The following KLRG1 variants were observed in gnomAD, a reference collection of about 807,000 sequenced individuals.
KLRG1 encodes killer cell lectin-like receptor subfamily G member 1.
Under a neutral mutation model 21.8 loss-of-function variants are expected in KLRG1, and 16 were observed. The observed-to-expected ratio is 0.73, with a 90% CI of 0.50 to 1.11. The LOEUF is 1.11. Ranked by LOEUF, KLRG1 falls within the 50% of genes most tolerant of loss-of-function variation. The pLI, the probability that KLRG1 is intolerant of heterozygous loss-of-function variation, is 0.00. For missense variants in KLRG1, 173 were observed against 218.3 expected, an observed-to-expected ratio of 0.79 and a Z score of 1.31; for synonymous variants, 69 against 75.9, an observed-to-expected ratio of 0.91 and a Z score of 0.47.
At chr12:9,200,365 C>T in the KLRG1 span, 4 of 1,593,430 alleles carry the variant, frequency 2.5e-6, no homozygotes, top group East Asian at 6.7e-5. Flanking sequence ...GTAACTCACT[C>T]TCCACAGACT....
At chr12:9,071,330 A>T in the KLRG1 span, among the ~76,000 whole-genome samples, 1 of 152,220 alleles carries the variant, frequency 6.6e-6, no homozygotes, top group Non-Finnish European at 1.5e-5. Context: ...TCAACAAAAC[A>T]CTTAGAAACA....
the KLRG1 span, among the ~76,000 whole-genome samples, chr12:9,178,434 C>A: frequency 6.6e-6 from 1 of 152,138 alleles, no homozygotes; most frequent in Admixed American, 6.5e-5. Flanking sequence ...GGCCCCAATG[C>A]ACCAGAGTAT....
chr12:9,135,320 A>G, the KLRG1 span: 1 of 298,718 alleles, frequency 3.3e-6, no homozygotes, highest in Non-Finnish European at 6.8e-6. Context: ...AGCACAGTGG[A>G]TTGGACCGAG....
the KLRG1 span, among the ~76,000 whole-genome samples, chr12:9,148,113 T>C: frequency 1.4e-4 from 21 of 152,212 alleles, no homozygotes; most frequent in Non-Finnish European, 2.8e-4. Flanking sequence ...TAGAAATTAT[T>C]TTAAGCAGAA....
chr12:9,186,051 C>A, the KLRG1 span, among the ~76,000 whole-genome samples: 1 of 151,990 alleles, frequency 6.6e-6, no homozygotes, highest in African/African-American at 2.4e-5. Context: ...CATGATCTGA[C>A]CACCTTGACC....
the KLRG1 span, among the ~76,000 whole-genome samples, chr12:9,040,144 T>C: frequency 6.6e-6 from 1 of 152,322 alleles, no homozygotes; most frequent in East Asian, 1.9e-4. Flanking sequence ...AGGATAGTGG[T>C]AAATTTGCTA....
In KLRG1 at chr12:8,977,591, GGTAA is replaced by G. The variant is rs199869663; in HGVS notation, c.-155-14612_-155-14609del. 5.4e-3 allele frequency among the ~76,000 whole-genome samples: 827 copies of G among 151,876 alleles called. 8 individuals carry two copies. The highest frequency in any genetic ancestry group is 0.019 in the African/African-American group (793 of 41,392). ...TTTATTTACATTTAAAGTAACTCTT[GGTAA>G]GTGAGGACTTACTATTGCCATTTTG... On this transcript the variant is annotated intron_variant, in intron 1 of 4. Transcript: ENST00000539240.
the KLRG1 span, chr12:9,067,598 A>T: frequency 1.6e-6 from 1 of 609,608 alleles, no homozygotes; most frequent in Admixed American, 2.4e-5. Flanking sequence ...ATTTTTTTGT[A>T]TTCTGAAGTC....
At chr12:9,089,672 C>T in the KLRG1 span, among the ~76,000 whole-genome samples, 6 of 152,004 alleles carry the variant, frequency 3.9e-5, no homozygotes, top group Non-Finnish European at 5.9e-5. Context: ...ACCCAGGAGG[C>T]GGAGGTTGCA....
chr12:9,100,116 T>G, the KLRG1 span, among the ~76,000 whole-genome samples: 1 of 152,204 alleles, frequency 6.6e-6, no homozygotes, highest in Non-Finnish European at 1.5e-5. Flanking sequence ...CTTCAAAGGT[T>G]TATATTATGA....
the KLRG1 span, chr12:9,160,593 A>G: frequency 9.2e-7 from 1 of 1,087,742 alleles, no homozygotes; most frequent in Non-Finnish European, 1.3e-6. Context: ...CATTTAGGTA[A>G]GAGAAAAGTT....
chr12:9,162,700 G>A, the KLRG1 span: 8 of 1,381,508 alleles, frequency 5.8e-6, no homozygotes, highest in Non-Finnish European at 7.1e-6. Flanking sequence ...CTGGTGACAA[G>A]AGAACCACAT....
At chr12:9,076,491 T>C in the KLRG1 span, among the ~76,000 whole-genome samples, 5 of 152,218 alleles carry the variant, frequency 3.3e-5, no homozygotes, top group Non-Finnish European at 7.3e-5. Context: ...ATGGTCCCAC[T>C]TAAGATTTTT....
At chr12:9,082,195 T>G in the KLRG1 span, among the ~76,000 whole-genome samples, 2 of 152,224 alleles carry the variant, frequency 1.3e-5, no homozygotes, top group Non-Finnish European at 2.9e-5. Context: ...TCCTCTATTA[T>G]GCACATCTAA....
At chr12:8,964,747 T>C (rs1425605836) in intron 1 of KLRG1, among the ~76,000 whole-genome samples, 1 of 150,906 alleles carries the variant, frequency 6.6e-6, no homozygotes. Flanking sequence ...ATATTTAGGA[T>C]AGTTAGCTCT....
the KLRG1 span, among the ~76,000 whole-genome samples, chr12:9,171,073 C>A: frequency 1.3e-5 from 2 of 152,194 alleles, no homozygotes; most frequent in Admixed American, 6.5e-5. Flanking sequence ...TGAGGGTCTC[C>A]AGCCACCTCC....
chr12:9,167,325 A>T, the KLRG1 span: 1 of 151,854 alleles, frequency 6.6e-6, no homozygotes, highest in African/African-American at 2.4e-5. Context: ...TATCCTTCCT[A>T]CTCTTACTGT....
intron 3 of KLRG1, among the ~76,000 whole-genome samples, chr12:9,000,607 A>G (rs1160064101): frequency 6.6e-6 from 1 of 152,168 alleles, no homozygotes; most frequent in Non-Finnish European, 1.5e-5. Flanking sequence ...TCTACTTACC[A>G]TATCTATGTA....
At chr12:9,121,246 T>C in the KLRG1 span, among the ~76,000 whole-genome samples, 1 of 152,086 alleles carries the variant, frequency 6.6e-6, no homozygotes, top group Non-Finnish European at 1.5e-5. This position sits in a 1 kb window ranked among gnomAD's most constrained non-coding sequence, Gnocchi z 4.4. Context: ...CATCCTCAGG[T>C]TGTTTTCATT....
Sources: gnomAD v4.1 joint callset for allele counts (sites outside exome capture counted in the v4.1 genomes callset) on GRCh38, gnomAD v4.1.1 for gene constraint, Gnocchi (gnomAD v3.1) non-coding constraint, MANE v1.5 for transcripts, NCBI Gene and HGNC (gene_info 2026-07-23, HGNC 2026-07-21) for gene names.